Variants in PTPRA observed in about 807,000 individuals in gnomAD.
PTPRA encodes the protein protein tyrosine phosphatase receptor type A.
A neutral mutation model predicts 104.8 loss-of-function variants in PTPRA; 25 were observed. That is an observed-to-expected ratio of 0.24 (90% CI 0.17 to 0.33). The LOEUF is 0.33. PTPRA is among the 10% of genes least tolerant of loss of function. PTPRA has a pLI of 1.00. For missense variants in PTPRA, 765 were observed against 1,015.3 expected, an observed-to-expected ratio of 0.75 and a Z score of 3.35; for synonymous variants, 323 against 368.9, an observed-to-expected ratio of 0.88 and a Z score of 1.43.
At chr20:2,931,102 T>TG (rs2060486888) in intron 2 of PTPRA, among the ~76,000 whole-genome samples, 1 of 152,136 alleles carries the variant, frequency 6.6e-6, no homozygotes, top group Non-Finnish European at 1.5e-5. Flanking sequence ...ACCAGGATTC[T>TG]GGGGCTCCCA....
chr20:2,956,602 A>G (rs1189939210), intron 3 of PTPRA, among the ~76,000 whole-genome samples: 3 of 152,020 alleles, frequency 2.0e-5, no homozygotes, highest in African/African-American at 4.8e-5. Flanking sequence ...TCCAAGTTCA[A>G]TGATTGTCCC....
At position 2,900,965 on chromosome 20, in the gene PTPRA, T is replaced by C. The variant is rs1286254065; in HGVS notation, c.-128-22242T>C. ...CATTCAGTTGGAGCTAGCCTAATTT[T>C]GTTTTTTTTGTTTTGTTTTGTTTTG... On this transcript the variant is annotated intron_variant, in intron 1 of 23. Coordinates refer to ENST00000399903, the MANE Select transcript of PTPRA (RefSeq NM_001385305.1). 2.0e-5 allele frequency among the ~76,000 whole-genome samples: 3 copies of C among 152,024 alleles called. No individual in the cohort carries two copies. The East Asian group carries it at 5.8e-4, about 29-fold the overall frequency.
At chr20:3,005,220 A>C (rs1040464073) in intron 10 of PTPRA, 74 bp downstream of exon 10, 4 of 1,409,954 alleles carry the variant, frequency 2.8e-6, no homozygotes, top group Non-Finnish European at 3.0e-6. Context: ...AGATGGAAAG[A>C]ATCTTGCAAT....
chr20:3,004,404 C>T (rs2063768465), intron 9 of PTPRA, among the ~76,000 whole-genome samples: 2 of 152,246 alleles, frequency 1.3e-5, no homozygotes, highest in South Asian at 4.1e-4. Flanking sequence ...CATGTCAGAT[C>T]ATTGTGTGAT....
intron 6 of PTPRA, among the ~76,000 whole-genome samples, chr20:2,978,071 C>T (rs184914553): frequency 2.6e-5 from 4 of 152,160 alleles, no homozygotes; most frequent in Non-Finnish European, 4.4e-5. Flanking sequence ...AGGATCTGTG[C>T]GCAGTTGACA....
intron 11 of PTPRA, among the ~76,000 whole-genome samples, chr20:3,014,978 G>A (rs2064363836): frequency 6.6e-6 from 1 of 152,236 alleles, no homozygotes; most frequent in African/African-American, 2.4e-5. Flanking sequence ...TATCTGTTGA[G>A]TGGCACCCCA....
chr20:2,865,444 G>A, the PTPRA span: 1 of 1,614,176 alleles, frequency 6.2e-7, no homozygotes, highest in Non-Finnish European at 8.5e-7. This position sits in a 1 kb window ranked among gnomAD's most constrained non-coding sequence, Gnocchi z 5.2. Context: ...TGGAAGATTG[G>A]GAAGAGCTAG....
intron 9 of PTPRA, among the ~76,000 whole-genome samples, chr20:2,991,717 C>G (rs2063185299): frequency 6.6e-6 from 1 of 152,164 alleles, no homozygotes; most frequent in African/African-American, 2.4e-5. Context: ...TGCTGTGCTA[C>G]CATGGCAACC....
chr20:2,983,655 A>G (rs991683271), intron 6 of PTPRA, among the ~76,000 whole-genome samples: 10 of 151,912 alleles, frequency 6.6e-5, no homozygotes, highest in Non-Finnish European at 1.2e-4. Context: ...TAGATATAGA[A>G]GATAAGTGTG....
At chr20:2,890,453 G>A (rs2058752105) in intron 1 of PTPRA, among the ~76,000 whole-genome samples, 1 of 152,162 alleles carries the variant, frequency 6.6e-6, no homozygotes, top group Non-Finnish European at 1.5e-5. Context: ...TTAAGCATTA[G>A]ATAGTGCGTG....
the PTPRA span, chr20:2,866,148 G>A: frequency 3.0e-5 from 44 of 1,467,518 alleles, no homozygotes; most frequent in African/African-American, 1.1e-4. Flanking sequence ...GCCTCTGCTC[G>A]TAAGAGAGAG....
rs931344679 is a variant in PTPRA, at chr20:2,925,638, A to T, written c.-50+2353A>T. Among the ~76,000 whole-genome samples, 3 of 151,984 alleles carry T rather than the reference A, an allele frequency of 2.0e-5. No homozygotes were observed. The South Asian group carries it at 6.2e-4, about 32-fold the overall frequency. On this transcript the variant is annotated intron_variant, in intron 2 of 23. Transcript: ENST00000399903. ...AGACCAGCTTGGACAACATGGCAAAACCCCATTTCTACCAAAAATGCAAAA... is the reference window on the plus strand; with the variant it reads ...AGACCAGCTTGGACAACATGGCAAATCCCCATTTCTACCAAAAATGCAAAA...
At chr20:2,909,902 A>G (rs1463580169) in intron 1 of PTPRA, among the ~76,000 whole-genome samples, 3 of 129,920 alleles carry the variant, frequency 2.3e-5, no homozygotes, top group Admixed American at 9.0e-5. Context: ...TATATAATAT[A>G]TGACATATAT....
Position 3,027,212 on chromosome 20 carries a change from T to C in PTPRA, c.1785+15T>C. The C allele has an allele frequency of 6.2e-7, 1 of 1,612,456 alleles. No individual in the cohort carries two copies. Among genetic ancestry groups the C allele is most frequent in the Non-Finnish European group, 8.5e-7 (1 of 1,178,462 alleles). On this transcript the variant is annotated intron_variant, in intron 19 of 23. Transcript: ENST00000399903. The stretch of plus-strand genomic sequence containing the variant: ...CCTTTATTGATGTAAGTGGTGGGTG[T>C]GACCCCTGAGCCCCCAACACCCCGT...
chr20:2,878,455 C>T (rs1234001892), intron 1 of PTPRA, among the ~76,000 whole-genome samples: 1 of 152,144 alleles, frequency 6.6e-6, no homozygotes, highest in Non-Finnish European at 1.5e-5. Context: ...AGTGATCCAC[C>T]CGCCTTGGCC....
Position 2,950,891 on chromosome 20 carries a change from A to C in PTPRA, c.-7+2867A>C, listed in dbSNP as rs907945757. The stretch of plus-strand genomic sequence containing the variant: ...GTATATAGCAGGGAAATATCACCAC[A>C]ACAAGAGTGTGAACATATAATCTCT... On this transcript the variant is annotated intron_variant, in intron 3 of 23. Transcript: ENST00000399903. The surrounding 1 kb of genome is among the most constrained non-coding windows in gnomAD (Gnocchi z 4.0). Among the ~76,000 whole-genome samples the C allele has an allele frequency of 2.0e-5, 3 of 152,136 alleles. No individual in the cohort carries two copies. Among genetic ancestry groups the C allele is most frequent in the African/African-American group, 4.8e-5 (2 of 41,444 alleles).
chr20:2,989,826 G>C (rs923155316), intron 9 of PTPRA, among the ~76,000 whole-genome samples: 2 of 152,034 alleles, frequency 1.3e-5, no homozygotes, highest in Admixed American at 1.3e-4. Context: ...GACCATCCTG[G>C]CTAACACAGT....
At chr20:2,871,610 A>G (rs1333750890), upstream of PTPRA, among the ~76,000 whole-genome samples, 1 of 152,246 alleles carries the variant, frequency 6.6e-6, no homozygotes, top group Non-Finnish European at 1.5e-5. Context: ...GTTCTAGAGC[A>G]TAGGGCTGCT....
intron 1 of PTPRA, among the ~76,000 whole-genome samples, chr20:2,893,783 C>T (rs6138930): frequency 0.22 from 33,550 of 151,954 alleles, 4,086 homozygotes; most frequent in East Asian, 0.36. Context: ...TATGTAAAAG[C>T]ATGGTACACA....
Sources: allele counts gnomAD v4.1 joint callset (sites outside exome capture counted in the v4.1 genomes callset), GRCh38; gene constraint gnomAD v4.1.1; non-coding constraint Gnocchi (gnomAD v3.1); transcripts MANE v1.5; gene names NCBI Gene and HGNC (gene_info 2026-07-23, HGNC 2026-07-21).